ECT2L: variants seen among roughly 807,000 people sequenced by gnomAD.
ECT2L encodes epithelial cell transforming 2 like.
ECT2L carries 126 observed loss-of-function variants against 122.8 expected under a neutral mutation model. That is an observed-to-expected ratio of 1.03 (90% CI 0.89 to 1.19). The LOEUF (loss-of-function observed/expected upper bound fraction) is 1.19. ECT2L is among the 50% of genes most tolerant of loss of function. The pLI, the probability that ECT2L is intolerant of heterozygous loss-of-function variation, is 0.00. For missense variants in ECT2L, 1,012 were observed against 1,064.1 expected (o/e 0.95, Z 0.68); for synonymous variants, 385 against 381.8 (o/e 1.01, Z -0.10).
chr6:138,897,427 T>C (rs1419933149), intron 20 of ECT2L, among the ~76,000 whole-genome samples: 1 of 152,196 alleles, frequency 6.6e-6, no homozygotes, highest in African/African-American at 2.4e-5. Flanking sequence ...CTAGAGAGAA[T>C]ATGCAGATTA....
intron 15 of ECT2L, among the ~76,000 whole-genome samples, chr6:138,882,309 T>C (rs1250572121): frequency 6.6e-6 from 1 of 152,050 alleles, no homozygotes; most frequent in Non-Finnish European, 1.5e-5. Context: ...GATGGATGAA[T>C]GAGGGATTTT....
intron 4 of ECT2L, among the ~76,000 whole-genome samples, chr6:138,820,445 G>A (rs1177444708): frequency 6.6e-6 from 1 of 152,168 alleles, no homozygotes; most frequent in Non-Finnish European, 1.5e-5. Context: ...AAATGGTTGA[G>A]GATGGCAAAG....
At chr6:138,884,669 G>A (rs1778752356) in intron 16 of ECT2L, among the ~76,000 whole-genome samples, 2 of 151,866 alleles carry the variant, frequency 1.3e-5, no homozygotes, top group African/African-American at 4.8e-5. Context: ...AATATATTAA[G>A]TACAGTAGAA....
intron 1 of ECT2L, among the ~76,000 whole-genome samples, chr6:138,812,413 T>C (rs954939317): frequency 1.3e-5 from 2 of 152,260 alleles, no homozygotes; most frequent in African/African-American, 2.4e-5. Context: ...TTTGCAGCAA[T>C]AAATAATACA....
At chr6:138,870,512 C>T (rs1021385930) in intron 13 of ECT2L, among the ~76,000 whole-genome samples, 2 of 152,040 alleles carry the variant, frequency 1.3e-5, no homozygotes, top group East Asian at 3.8e-4. Flanking sequence ...ACATTTAAGC[C>T]GCTTAAAAGC....
chr6:138,901,988 T>C (rs373798015), intron 21 of ECT2L, among the ~76,000 whole-genome samples: 46 of 152,354 alleles, frequency 3.0e-4, no homozygotes, highest in African/African-American at 1.0e-3. Context: ...TTAACTATCA[T>C]CACTGGGTAT....
intron 1 of ECT2L, among the ~76,000 whole-genome samples, chr6:138,807,833 G>A (rs1406882971): frequency 6.6e-6 from 1 of 152,142 alleles, no homozygotes; most frequent in African/African-American, 2.4e-5. Context: ...CCATATGTAT[G>A]TGGGTCTGTT....
At chr6:138,893,997 A>G (rs1779127995) in intron 20 of ECT2L, among the ~76,000 whole-genome samples, 1 of 152,104 alleles carries the variant, frequency 6.6e-6, no homozygotes, top group East Asian at 1.9e-4. Flanking sequence ...GTTGATTCTG[A>G]GTTCTTCAGC....
chr6:138,884,835 A>G (rs1778759021), intron 16 of ECT2L, among the ~76,000 whole-genome samples: 1 of 152,008 alleles, frequency 6.6e-6, no homozygotes, highest in African/African-American at 2.4e-5. Flanking sequence ...CCACAACATT[A>G]GAGATGATAT....
intron 9 of ECT2L, among the ~76,000 whole-genome samples, chr6:138,852,257 G>A (rs185095885): frequency 6.6e-6 from 1 of 152,008 alleles, no homozygotes; most frequent in Admixed American, 6.5e-5. Context: ...GCAAGACCCT[G>A]TCTTAAAGAA....
At chr6:138,891,379 T>A (rs548398288) in intron 20 of ECT2L, among the ~76,000 whole-genome samples, 3 of 152,338 alleles carry the variant, frequency 2.0e-5, no homozygotes, top group South Asian at 4.1e-4. Context: ...CCAGGAGAGA[T>A]TCAGCTGAGA....
intron 4 of ECT2L, among the ~76,000 whole-genome samples, chr6:138,837,976 C>G (rs1440394942): frequency 6.6e-6 from 1 of 151,380 alleles, no homozygotes; most frequent in Non-Finnish European, 1.5e-5. Flanking sequence ...TCTCGGCTCA[C>G]TGCAACCTCA....
chr6:138,851,863 A>T (rs1312696649), intron 9 of ECT2L, among the ~76,000 whole-genome samples: 1 of 152,212 alleles, frequency 6.6e-6, no homozygotes, highest in Admixed American at 6.5e-5. Flanking sequence ...AAGATCTATA[A>T]ATTGGTGTAC....
chr6:138,850,298 C>A (rs1777389835), intron 9 of ECT2L, among the ~76,000 whole-genome samples: 1 of 152,148 alleles, frequency 6.6e-6, no homozygotes, highest in Non-Finnish European at 1.5e-5. Flanking sequence ...GCGTCCACCA[C>A]CATGCCTGGC....
At chr6:138,868,853 G>A (rs1017610896) in intron 13 of ECT2L, among the ~76,000 whole-genome samples, 4 of 152,170 alleles carry the variant, frequency 2.6e-5, no homozygotes, top group African/African-American at 7.2e-5. Flanking sequence ...CAGCCCCAAA[G>A]AGGACAGCAT....
intron 1 of ECT2L, among the ~76,000 whole-genome samples, chr6:138,809,143 AT>A (rs1562450898): frequency 6.6e-6 from 1 of 152,186 alleles, no homozygotes; most frequent in Non-Finnish European, 1.5e-5. Flanking sequence ...AAGTTTTATC[AT>A]TTTACCATTA....
chr6:138,876,916 T>C (rs572183401), intron 14 of ECT2L, among the ~76,000 whole-genome samples: 1 of 152,270 alleles, frequency 6.6e-6, no homozygotes, highest in African/African-American at 2.4e-5. Context: ...ACTTCAAAAG[T>C]TGAATCTAAT....
chr6:138,875,557 CAGGCAGCAG>C (rs1778411837), intron 13 of ECT2L, among the ~76,000 whole-genome samples: 1 of 152,170 alleles, frequency 6.6e-6, no homozygotes, highest in Admixed American at 6.5e-5. Flanking sequence ...TGGGGTACTG[CAGGCAGCAG>C]GGGTGGGGGT....
At chr6:138,901,841 G>C (rs1779406324) in intron 21 of ECT2L, among the ~76,000 whole-genome samples, 1 of 152,136 alleles carries the variant, frequency 6.6e-6, no homozygotes, top group African/African-American at 2.4e-5. Flanking sequence ...GTTAAAGTTG[G>C]AACCCAAGAC....
Sources: gnomAD v4.1 joint callset for allele counts (sites outside exome capture counted in the v4.1 genomes callset) on GRCh38, gnomAD v4.1.1 for gene constraint, MANE v1.5 for transcripts, NCBI Gene and HGNC (gene_info 2026-07-23, HGNC 2026-07-21) for gene names.